SLC12A8: variants seen among roughly 807,000 people sequenced by gnomAD.
The protein encoded by SLC12A8 is cation-chloride cotransporter 9.
A neutral mutation model predicts 75.6 loss-of-function variants in SLC12A8; 69 were observed. The observed-to-expected ratio is 0.91, with a 90% CI of 0.75 to 1.11. The LOEUF (loss-of-function observed/expected upper bound fraction) is 1.11. Ranked by LOEUF, SLC12A8 falls within the 50% of genes most tolerant of loss-of-function variation. SLC12A8 has a pLI of 0.00. For missense variants in SLC12A8, 877 were observed against 896.7 expected (o/e 0.98, Z 0.28); for synonymous variants, 365 against 372.8 (o/e 0.98, Z 0.24).
At chr3:125,190,695 G>A (rs867173810) in intron 2 of SLC12A8, among the ~76,000 whole-genome samples, 174 bp from the exon 3 acceptor site, 4 of 152,188 alleles carry the variant, frequency 2.6e-5, no homozygotes, top group Admixed American at 2.0e-4. Context: ...ACACACATGC[G>A]CACACACACA....
chr3:125,210,912 C>A (rs1012228027), intron 2 of SLC12A8, among the ~76,000 whole-genome samples: 4 of 152,114 alleles, frequency 2.6e-5, no homozygotes, highest in African/African-American at 9.7e-5. Context: ...ATTCAGAAAT[C>A]CTTTTGGCTT....
chr3:125,173,174 C>T (rs1221180005), intron 5 of SLC12A8, among the ~76,000 whole-genome samples: 2 of 151,722 alleles, frequency 1.3e-5, no homozygotes. Context: ...GGTGAAACTC[C>T]ATCTCAAAAA....
intron 2 of SLC12A8, among the ~76,000 whole-genome samples, chr3:125,194,450 G>A (rs542411590): frequency 1.3e-5 from 2 of 149,134 alleles, no homozygotes; most frequent in Non-Finnish European, 3.0e-5. Flanking sequence ...ATTGGTGGGG[G>A]TAGGGGGTTG....
chr3:125,136,656 G>A (rs183941465), intron 5 of SLC12A8, among the ~76,000 whole-genome samples: 4 of 152,298 alleles, frequency 2.6e-5, no homozygotes, highest in East Asian at 1.9e-4. Flanking sequence ...GACACATCTC[G>A]CTTCCACACT....
intron 8 of SLC12A8, among the ~76,000 whole-genome samples, chr3:125,116,365 T>G (rs567587073): frequency 4.5e-4 from 68 of 152,316 alleles, no homozygotes; most frequent in Middle Eastern, 3.4e-3. Flanking sequence ...AATCTCCACA[T>G]TTCATCCCAG....
intron 2 of SLC12A8, among the ~76,000 whole-genome samples, chr3:125,199,061 A>T (rs1404360332): frequency 6.6e-6 from 1 of 152,230 alleles, no homozygotes; most frequent in South Asian, 2.1e-4. Flanking sequence ...TATAGGCGTG[A>T]GCCACCATGC....
At chr3:125,086,793 AG>A (rs1938469903) in intron 13 of SLC12A8, among the ~76,000 whole-genome samples, 1 of 152,218 alleles carries the variant, frequency 6.6e-6, no homozygotes, top group South Asian at 2.1e-4. Context: ...AGCAGATGAC[AG>A]GGTGCTCCCC....
At chr3:125,189,594 A>G (rs1934868443) in intron 3 of SLC12A8, among the ~76,000 whole-genome samples, 1 of 152,192 alleles carries the variant, frequency 6.6e-6, no homozygotes, top group Admixed American at 6.5e-5. Context: ...AGAGGAGGGG[A>G]TGAGGGCCCA....
intron 8 of SLC12A8, 48 bp from the exon 9 acceptor site, chr3:125,110,383 G>A (rs1331132183): frequency 6.3e-7 from 1 of 1,587,552 alleles, no homozygotes; most frequent in African/African-American, 1.3e-5. Flanking sequence ...CTGCTCCTGT[G>A]CCTTTCTACC....
chr3:125,204,562 T>G (rs983667141), intron 2 of SLC12A8, among the ~76,000 whole-genome samples: 26 of 152,120 alleles, frequency 1.7e-4, no homozygotes, highest in Non-Finnish European at 2.8e-4. Context: ...AGAATGATGG[T>G]TATCAGAGGG....
chr3:125,144,206 A>T (rs376886542), intron 5 of SLC12A8, among the ~76,000 whole-genome samples: 1 of 152,226 alleles, frequency 6.6e-6, no homozygotes, highest in African/African-American at 2.4e-5. Context: ...AGTGCTGTCT[A>T]CTTCCGCTGC....
chr3:125,092,251 T>G, intron 10 of SLC12A8, 53 bp from the exon 11 acceptor site: 1 of 1,336,992 alleles, frequency 7.5e-7, no homozygotes, highest in South Asian at 1.2e-5. Flanking sequence ...TCTCTACTGT[T>G]TTTTAGGAAA....
chr3:125,113,524 T>C (rs2107746224), intron 8 of SLC12A8, among the ~76,000 whole-genome samples: 2 of 152,310 alleles, frequency 1.3e-5, no homozygotes, highest in South Asian at 4.2e-4. Context: ...GGCATGGTGC[T>C]AGGCAGAGCA....
intron 4 of SLC12A8, among the ~76,000 whole-genome samples, chr3:125,182,673 AT>A (rs71148167): frequency 0.63 from 96,399 of 151,878 alleles, 31,463 homozygotes; most frequent in Non-Finnish European, 0.71. Context: ...CGCCTGGTTA[AT>A]TTTTTGTATT....
At chr3:125,134,132 C>T (rs780080097) in intron 6 of SLC12A8, among the ~76,000 whole-genome samples, 1 of 152,086 alleles carries the variant, frequency 6.6e-6, no homozygotes, top group African/African-American at 2.4e-5. Context: ...GACACAGTCT[C>T]GCTCTGTCGC....
intron 3 of SLC12A8, among the ~76,000 whole-genome samples, chr3:125,187,812 G>C (rs1034413143): frequency 2.9e-5 from 4 of 136,350 alleles, no homozygotes; most frequent in Non-Finnish European, 6.0e-5. Context: ...TGCTCATTCT[G>C]TACCTTTGTC....
chr3:125,210,234 T>C (rs1461360891), intron 2 of SLC12A8, among the ~76,000 whole-genome samples: 3 of 152,224 alleles, frequency 2.0e-5, no homozygotes, highest in African/African-American at 7.2e-5. Context: ...TAAATACCAC[T>C]TAAATACTTG....
chr3:125,124,468 AG>A (rs903068899), intron 6 of SLC12A8, among the ~76,000 whole-genome samples: 1 of 152,122 alleles, frequency 6.6e-6, no homozygotes, highest in Non-Finnish European at 1.5e-5. Context: ...TTGGGATTAT[AG>A]GCACCTTCCA....
chr3:125,110,432 C>T (rs1013665602), intron 8 of SLC12A8, 97 bp from the exon 9 acceptor site: 4 of 1,234,816 alleles, frequency 3.2e-6, no homozygotes, highest in Non-Finnish European at 2.3e-6. Flanking sequence ...TGCAATCATC[C>T]ACTGAGTCGT....
Sources: allele counts gnomAD v4.1 joint callset (sites outside exome capture counted in the v4.1 genomes callset), GRCh38; gene constraint gnomAD v4.1.1; transcripts MANE v1.5; gene names NCBI Gene and HGNC (gene_info 2026-07-23, HGNC 2026-07-21).